Variants in CREB1 observed in about 807,000 individuals in gnomAD.
CREB1 encodes cyclic AMP-responsive element-binding protein 1.
CREB1 carries 2 observed loss-of-function variants against 42.0 expected under a neutral mutation model. That is an observed-to-expected ratio of 0.05 (90% confidence interval 0.02 to 0.15). The LOEUF is 0.15. CREB1 is among the 10% of genes least tolerant of loss of function. The probability of loss-of-function intolerance (pLI) is 1.00; values close to 1 mark genes in which losing one functional copy is unlikely to be tolerated. For synonymous variants in CREB1, 123 were observed against 139.9 expected (o/e 0.88, Z 0.85); for missense variants, 199 against 388.9 (o/e 0.51, Z 4.11).
intron 3 of CREB1, among the ~76,000 whole-genome samples, chr2:207,561,644 AAACT>A (rs2081962640): frequency 6.6e-6 from 1 of 152,126 alleles, no homozygotes; most frequent in African/African-American, 2.4e-5. Context: ...CAGACTAAAC[AAACT>A]ATTTTTCTTT....
At chr2:207,540,677 A>AGT (rs2081063955) in intron 1 of CREB1, among the ~76,000 whole-genome samples, 7 of 145,612 alleles carry the variant, frequency 4.8e-5, no homozygotes, top group African/African-American at 1.8e-4. Flanking sequence ...AGTAAAAAAA[A>AGT]AAAAAAAAAA....
intron 1 of CREB1, among the ~76,000 whole-genome samples, chr2:207,536,101 C>A (rs1205437883): frequency 6.6e-6 from 1 of 152,168 alleles, no homozygotes; most frequent in Non-Finnish European, 1.5e-5. Context: ...GCGTGAGCCA[C>A]CATGCCCGAA....
chr2:207,532,075 G>A (rs2080656893), intron 1 of CREB1, among the ~76,000 whole-genome samples: 2 of 152,062 alleles, frequency 1.3e-5, no homozygotes, highest in Non-Finnish European at 2.9e-5. Flanking sequence ...AAGAATATAA[G>A]TCGGGCGCGG....
chr2:207,602,745 ATTAT>A lies in CREB1; in HGVS notation c.*5692_*5695del, dbSNP rs900512183. 7 of 211,416 alleles carry A rather than the reference ATTAT, an allele frequency of 3.3e-5. No individual in the cohort carries two copies. Among genetic ancestry groups the A allele is most frequent in the South Asian group, 1.9e-4 (1 of 5,306 alleles). 13.1% of individuals were successfully genotyped at this position (211,416 alleles called of 1,614,324 possible). On this transcript the variant is annotated 3_prime_UTR_variant, in exon 8 of 8. Coordinates refer to ENST00000353267, the MANE Select transcript of CREB1 (RefSeq NM_004379.5). ...CACTCCAATTTGTGTATGTAATAAAATTATTTATATTAAAAGTGGGAAATAATTG... is the reference window on the plus strand; with the variant it reads ...CACTCCAATTTGTGTATGTAATAAAATTATATTAAAAGTGGGAAATAATTG...
intron 3 of CREB1, chr2:207,561,158 C>T (rs1440465192): frequency 6.2e-7 from 1 of 1,611,872 alleles, no homozygotes; most frequent in Admixed American, 1.7e-5. Flanking sequence ...CTCCGGAACA[C>T]AGGTGAGTCC....
rs144241744 is a variant in CREB1, at chr2:207,575,098, T to C, written c.506-174T>C. On this transcript the variant is annotated intron_variant, in intron 5 of 7. Coordinates refer to ENST00000353267, the MANE Select transcript of CREB1 (RefSeq NM_004379.5). ...ATAGAGTGCATTTCTATTGTAGAAGTTGAATATGGGTTTCCTGAGGAGCAA... is the reference window on the plus strand; with the variant it reads ...ATAGAGTGCATTTCTATTGTAGAAGCTGAATATGGGTTTCCTGAGGAGCAA... 2.4e-3 allele frequency among the ~76,000 whole-genome samples: 369 copies of C among 152,354 alleles called. 7 individuals carry two copies. The highest frequency in any genetic ancestry group is 0.022 in the Admixed American group (339 of 15,298).
In CREB1 at chr2:207,548,514, G is replaced by T. The variant is rs2081380186; in HGVS notation, c.-8-7114G>T. ...ACCTGTAATCCCAGCACTTTGGGAG[G>T]CTGATGCGGGTAGATCACCTAAGGT... On this transcript the variant is annotated intron_variant, in intron 1 of 7. Coordinates refer to ENST00000353267, the MANE Select transcript of CREB1 (RefSeq NM_004379.5). Among the ~76,000 whole-genome samples the T allele has an allele frequency of 2.0e-5, 3 of 152,140 alleles. No individual in the cohort carries two copies. The South Asian group carries it at 6.2e-4, about 31-fold the overall frequency.
chr2:207,556,878 T>C (rs570587618), intron 2 of CREB1, among the ~76,000 whole-genome samples: 1 of 152,202 alleles, frequency 6.6e-6, no homozygotes, highest in Non-Finnish European at 1.5e-5. Context: ...GGCTCACGCC[T>C]ATAATCCAAA....
At chr2:207,586,090 CA>C (rs2083781010) in intron 7 of CREB1, among the ~76,000 whole-genome samples, 1 of 152,154 alleles carries the variant, frequency 6.6e-6, no homozygotes, top group African/African-American at 2.4e-5. Context: ...AAGTCAAAAA[CA>C]AAGAAAAAAT....
intron 3 of CREB1, among the ~76,000 whole-genome samples, chr2:207,564,406 G>C (rs934735577): frequency 4.4e-4 from 67 of 152,158 alleles, no homozygotes; most frequent in African/African-American, 1.5e-3. Flanking sequence ...TAACTCAGGA[G>C]GTTGAGTCTG....
chr2:207,605,038 G>C lies in CREB1; in HGVS notation c.*7980G>C, dbSNP rs1184166493. 6.6e-6 allele frequency among the ~76,000 whole-genome samples: 1 copy of C among 152,120 alleles called. No homozygotes were observed. The highest frequency in any genetic ancestry group is 2.4e-5 in the African/African-American group (1 of 41,408). The stretch of plus-strand genomic sequence containing the variant: ...GTTCATAGTGCTGTTATGAATGTTC[G>C]TGTACAAGTATTTGAGTCCGTGTTT... On this transcript the variant is annotated 3_prime_UTR_variant, in exon 8 of 8. Coordinates refer to ENST00000353267, the MANE Select transcript of CREB1 (RefSeq NM_004379.5).
intron 1 of CREB1, among the ~76,000 whole-genome samples, chr2:207,530,617 C>T (rs1168068192): frequency 6.7e-6 from 1 of 148,998 alleles, no homozygotes; most frequent in Non-Finnish European, 1.5e-5. Flanking sequence ...CGGCCCGACC[C>T]GGCCGGGCCT....
chr2:207,577,134 G>A (rs973561528), intron 6 of CREB1: 5 of 930,020 alleles, frequency 5.4e-6, no homozygotes, highest in Admixed American at 6.0e-5. Flanking sequence ...TTTTTAATAT[G>A]AATTTACCAA....
At chr2:207,585,238 C>A (rs2083611482) in intron 7 of CREB1, among the ~76,000 whole-genome samples, 1 of 152,226 alleles carries the variant, frequency 6.6e-6, no homozygotes, top group Non-Finnish European at 1.5e-5. Flanking sequence ...TCCCCATCCT[C>A]AGCAAAGCTT....
chr2:207,568,007 C>T (rs1048134985), intron 4 of CREB1: 7 of 152,458 alleles, frequency 4.6e-5, no homozygotes, highest in African/African-American at 1.7e-4. Flanking sequence ...TTAGCAGTAG[C>T]TTACTGTAAT....
chr2:207,538,157 T>G (rs972121973), intron 1 of CREB1, among the ~76,000 whole-genome samples: 1 of 152,212 alleles, frequency 6.6e-6, no homozygotes, highest in Non-Finnish European at 1.5e-5. Context: ...GATGTTTTAT[T>G]AGGGATGCTT....
chr2:207,531,465 AG>A (rs2080626533), intron 1 of CREB1, among the ~76,000 whole-genome samples: 1 of 152,194 alleles, frequency 6.6e-6, no homozygotes, highest in Non-Finnish European at 1.5e-5. Context: ...ACAGCAGAAA[AG>A]TCATTGACAC....
intron 5 of CREB1, 52 bp from the exon 6 acceptor site, chr2:207,575,220 A>G: frequency 6.6e-7 from 1 of 1,521,830 alleles, no homozygotes. Context: ...GTAATGTTTT[A>G]AAAGTCTTAT....
At position 207,590,095 on chromosome 2, in the gene CREB1, T is replaced by TG. The variant is rs1188964150; in HGVS notation, c.840-6819_840-6818insG. Among the ~76,000 whole-genome samples the TG allele has an allele frequency of 4.3e-4, 61 of 142,188 alleles. 1 individual carries two copies. The highest frequency in any genetic ancestry group is 1.3e-3 in the African/African-American group (51 of 40,314). The allele number at this position is 142,188 out of a possible 152,430, so 93.3% of individuals were successfully genotyped here. ...TCTATTTTGAGAAGTTTTTTTTTTTTTTTTTTTTTTTTAATAGATACGGGA... is the reference window on the plus strand; with the variant it reads ...TCTATTTTGAGAAGTTTTTTTTTTTTGTTTTTTTTTTTTAATAGATACGGGA... On this transcript the variant is annotated intron_variant, in intron 7 of 7. Coordinates refer to ENST00000353267, the MANE Select transcript of CREB1 (RefSeq NM_004379.5).
Sources: gnomAD v4.1 joint callset for allele counts (sites outside exome capture counted in the v4.1 genomes callset) on GRCh38, gnomAD v4.1.1 for gene constraint, MANE v1.5 for transcripts, NCBI Gene and HGNC (gene_info 2026-07-23, HGNC 2026-07-21) for gene names.